KANK1: variants seen among roughly 807,000 people sequenced by gnomAD.
KANK1 encodes KN motif and ankyrin repeat domains 1, also known as KN motif and ankyrin repeat domain-containing protein 1.
KANK1 carries 109 observed loss-of-function variants against 106.2 expected under a neutral mutation model. The ratio of observed to expected loss-of-function variants is 1.03; its 90% CI spans 0.88 to 1.20. KANK1 has a LOEUF of 1.20. Ranked by LOEUF, KANK1 falls within the 50% of genes most tolerant of loss-of-function variation. The pLI, the probability that KANK1 is intolerant of heterozygous loss-of-function variation, is 0.00. For missense variants in KANK1, 2,399 were observed against 1,710.7 expected (o/e 1.40, Z -7.10); for synonymous variants, 873 against 652.2 (o/e 1.34, Z -5.16).
intron 8 of KANK1, among the ~76,000 whole-genome samples, chr9:738,997 A>G (rs1294630039): frequency 6.6e-6 from 1 of 152,246 alleles, no homozygotes; most frequent in East Asian, 1.9e-4. Flanking sequence ...ACAGATGGTC[A>G]AATGATCACC....
chr9:733,196 T>TGTAA (rs1832790370), intron 6 of KANK1: 1 of 152,224 alleles, frequency 6.6e-6, no homozygotes, highest in Admixed American at 6.5e-5. Context: ...TGCCTCAGAA[T>TGTAA]GTAAGTTTTC....
intron 1 of KANK1, among the ~76,000 whole-genome samples, chr9:574,781 G>A (rs1271245245): frequency 6.7e-6 from 1 of 150,012 alleles, no homozygotes; most frequent in African/African-American, 2.5e-5. Flanking sequence ...CTGACCCTGC[G>A]AGGTGGGAGG....
chr9:649,887 G>C lies in KANK1; in HGVS notation c.-83-27003G>C, dbSNP rs181865904. Among the ~76,000 whole-genome samples the C allele has an allele frequency of 2.0e-5, 3 of 152,258 alleles. 1 individual carries two copies. The highest frequency in any genetic ancestry group is 7.2e-5 in the African/African-American group (3 of 41,528). ...AGTTGCGATGCAGCTTGAAAGGATGGCTCTACATTGCAGCTTCTCTGCGTC... is the reference window on the plus strand; with the variant it reads ...AGTTGCGATGCAGCTTGAAAGGATGCCTCTACATTGCAGCTTCTCTGCGTC... On this transcript the variant is annotated intron_variant, in intron 1 of 11. Transcript: ENST00000382297.
chr9:741,784 C>T (rs946893678), intron 9 of KANK1, among the ~76,000 whole-genome samples: 1 of 151,946 alleles, frequency 6.6e-6, no homozygotes, highest in African/African-American at 2.4e-5. Context: ...ACTGCGCCAG[C>T]CCCTGGCTTT....
intron 3 of KANK1, among the ~76,000 whole-genome samples, chr9:729,132 A>G (rs1190870154): frequency 6.6e-6 from 1 of 152,222 alleles, no homozygotes; most frequent in Non-Finnish European, 1.5e-5. Flanking sequence ...ATATTATTTA[A>G]TCCAAATTGC....
intron 2 of KANK1, chr9:706,948 G>A: frequency 1.0e-6 from 1 of 985,452 alleles, no homozygotes; most frequent in Non-Finnish European, 1.2e-6. Context: ...AAAATCAGCT[G>A]GCAAAGCGGG....
chr9:550,951 T>C (rs1587728781), intron 1 of KANK1, among the ~76,000 whole-genome samples: 1 of 152,066 alleles, frequency 6.6e-6, no homozygotes, highest in East Asian at 1.9e-4. Flanking sequence ...AATCCAGCCC[T>C]CTTTCTGCTG....
At chr9:719,413 T>C (rs1026482332) in intron 3 of KANK1, among the ~76,000 whole-genome samples, 1 of 152,196 alleles carries the variant, frequency 6.6e-6, no homozygotes, top group South Asian at 2.1e-4. Flanking sequence ...TAAGTTTAGA[T>C]GTTCTTTAAA....
At chr9:724,125 T>C (rs1286653829) in intron 3 of KANK1, among the ~76,000 whole-genome samples, 1 of 152,062 alleles carries the variant, frequency 6.6e-6, no homozygotes, top group East Asian at 1.9e-4. Flanking sequence ...TTGGAGAAAT[T>C]TGAATACTGA....
At chr9:710,630 C>CAAAAAAAAAAAAAAAAAAAA (rs1190499924) in intron 2 of KANK1, among the ~76,000 whole-genome samples, 174 bp from the exon 3 acceptor site, 1 of 57,784 alleles carries the variant, frequency 1.7e-5, no homozygotes. Flanking sequence ...AAAAAAAAAA[C>CAAAAAAAAAAAAAAAAAAAA]AAAAAAAAAC....
chr9:679,122 A>G (rs1816998408), intron 2 of KANK1, among the ~76,000 whole-genome samples: 1 of 152,144 alleles, frequency 6.6e-6, no homozygotes, highest in Non-Finnish European at 1.5e-5. Context: ...GGTTGAAGGC[A>G]AAAGAAAGCT....
chr9:587,929 G>C (rs1563815996), intron 1 of KANK1, among the ~76,000 whole-genome samples: 1 of 152,278 alleles, frequency 6.6e-6, no homozygotes, highest in Non-Finnish European at 1.5e-5. Flanking sequence ...AGCTGGGCGT[G>C]GTGGCACATG....
chr9:657,389 A>G (rs1323409978), intron 1 of KANK1, among the ~76,000 whole-genome samples: 1 of 145,364 alleles, frequency 6.9e-6, no homozygotes, highest in African/African-American at 2.4e-5. Flanking sequence ...GCATATACCC[A>G]GAAGTAGGGT....
chr9:742,848 C>T (rs914815570), intron 10 of KANK1, among the ~76,000 whole-genome samples: 3 of 152,326 alleles, frequency 2.0e-5, no homozygotes, highest in African/African-American at 4.8e-5. Flanking sequence ...CCAAAGTGAA[C>T]ACACTGACCC....
At chr9:707,176 CG>C in intron 2 of KANK1, 2 of 985,738 alleles carry the variant, frequency 2.0e-6, no homozygotes, top group Non-Finnish European at 2.4e-6. Flanking sequence ...CGCCCGAGGC[CG>C]GGTCCGGCTG....
At chr9:602,379 C>T (rs769795408) in intron 1 of KANK1, among the ~76,000 whole-genome samples, 1 of 151,784 alleles carries the variant, frequency 6.6e-6, no homozygotes, top group South Asian at 2.1e-4. Flanking sequence ...CCTGCCTCAG[C>T]CTCCCAAGTA....
In KANK1 at chr9:562,849, A is replaced by G. The variant is rs536602697; in HGVS notation, c.-84+58095A>G. On this transcript the variant is annotated intron_variant, in intron 1 of 11. Transcript: ENST00000382297. ...TTGATTTTGCCTTGATGTTTGGCTC[A>G]TAGTTGCAATTCACTAAATATTTGT... Among the ~76,000 whole-genome samples the G allele has an allele frequency of 1.6e-4, 24 of 152,326 alleles. No individual in the cohort carries two copies. In the South Asian group the frequency reaches 4.4e-3, roughly 28 times the overall value.
chr9:525,880 T>TA (rs1185288319), intron 1 of KANK1, among the ~76,000 whole-genome samples: 10 of 151,284 alleles, frequency 6.6e-5, no homozygotes, highest in East Asian at 1.9e-4. Flanking sequence ...ACAGTTAGTT[T>TA]TAAAAAAAAA....
intron 1 of KANK1, among the ~76,000 whole-genome samples, chr9:552,289 A>G (rs1369795237): frequency 4.6e-5 from 7 of 152,172 alleles, no homozygotes; most frequent in Non-Finnish European, 1.5e-5. Context: ...GAAGAAGACG[A>G]AAGTAGAAGC....
Sources: gnomAD v4.1 joint callset for allele counts (sites outside exome capture counted in the v4.1 genomes callset) on GRCh38, gnomAD v4.1.1 for gene constraint, MANE v1.5 for transcripts, NCBI Gene and HGNC (gene_info 2026-07-23, HGNC 2026-07-21) for gene names.